Variants in PFKP observed in about 807,000 individuals in gnomAD.
The protein encoded by PFKP is phosphofructokinase, platelet.
A neutral mutation model predicts 94.3 loss-of-function variants in PFKP; 101 were observed. That is an observed-to-expected ratio of 1.07 (90% CI 0.91 to 1.26). The LOEUF (loss-of-function observed/expected upper bound fraction) is 1.26, where lower values mean the gene tolerates loss of function less well. Ranked by LOEUF, PFKP falls within the 50% of genes most tolerant of loss-of-function variation. The pLI is 0.00. For synonymous variants in PFKP, 573 were observed against 432.6 expected (o/e 1.32, Z -4.03); for missense variants, 1,145 against 1,103.3 (o/e 1.04, Z -0.53).
At chr10:3,128,429 G>T (rs1300801068) in intron 16 of PFKP, among the ~76,000 whole-genome samples, 1 of 152,246 alleles carries the variant, frequency 6.6e-6, no homozygotes, top group Non-Finnish European at 1.5e-5. Context: ...CTCTGGATCA[G>T]AGCTGAGGAA....
intron 7 of PFKP, among the ~76,000 whole-genome samples, 185 bp downstream of exon 7, chr10:3,105,686 C>T (rs1399246589): frequency 6.6e-6 from 1 of 152,108 alleles, no homozygotes; most frequent in Non-Finnish European, 1.5e-5. Context: ...GGCTGAGACT[C>T]AAGGCAGAAG....
intron 8 of PFKP, 65 bp downstream of exon 8, chr10:3,107,374 TG>T (rs1340705857): frequency 5.4e-6 from 5 of 928,990 alleles, no homozygotes; most frequent in Non-Finnish European, 8.8e-6. Flanking sequence ...GCTAGCGTCA[TG>T]GGCAGGCTTG....
Position 3,103,915 on chromosome 10 carries a change from C to T in PFKP, c.591C>T (p.Val197=), listed in dbSNP as rs144531802. The T allele has an allele frequency of 9.1e-5, 147 of 1,613,772 alleles. No individual in the cohort carries two copies. The highest frequency in any genetic ancestry group is 2.0e-4 in the Admixed American group (12 of 60,024). ...CCGCCCTGCACAGGATCATCGAGGT[C>T]GTCGACGCCATCATGACCACGGCCC... ...TDSALHRIIE[V]VDAIMTTAQS... The change falls in exon 5 of 22, where the codon GTC becomes GTT. Residue 197 remains valine, a synonymous_variant. Coordinates refer to ENST00000381125, the MANE Select transcript of PFKP (RefSeq NM_002627.5).
intron 13 of PFKP, 40 bp downstream of exon 13, chr10:3,113,558 G>A: frequency 1.9e-6 from 3 of 1,596,886 alleles, no homozygotes; most frequent in Non-Finnish European, 2.6e-6. Flanking sequence ...AGACACCCTG[G>A]CTGTGAGCAC....
At chr10:3,088,243 G>C (rs1405539660) in intron 2 of PFKP, among the ~76,000 whole-genome samples, 1 of 149,602 alleles carries the variant, frequency 6.7e-6, no homozygotes, top group African/African-American at 2.5e-5. Flanking sequence ...AGAACATGTG[G>C]TGTTTGGTTT....
chr10:3,098,741 C>G lies in PFKP; in HGVS notation c.187-534C>G, dbSNP rs186864715. On this transcript the variant is annotated intron_variant, in intron 2 of 21. Transcript: ENST00000381125. ...TCAATGTGTCCTCACATATTGATATCTGATTCCCTAATGCAGCACCGTGTC... is the reference window on the plus strand; with the variant it reads ...TCAATGTGTCCTCACATATTGATATGTGATTCCCTAATGCAGCACCGTGTC... 2.3e-4 allele frequency among the ~76,000 whole-genome samples: 35 copies of G among 149,318 alleles called. No individual in the cohort carries two copies. The East Asian group carries it at 7.2e-3, about 31-fold the overall frequency.
chr10:3,087,143 G>C (rs941669824), intron 2 of PFKP, among the ~76,000 whole-genome samples: 1 of 152,168 alleles, frequency 6.6e-6, no homozygotes, highest in Non-Finnish European at 1.5e-5. Context: ...ATTTTTGGTA[G>C]AGACGGGGTT....
intron 2 of PFKP, among the ~76,000 whole-genome samples, chr10:3,098,571 A>G (rs560446392): frequency 1.3e-5 from 2 of 148,626 alleles, no homozygotes; most frequent in East Asian, 4.2e-4. Context: ...GCTGCTCAGG[A>G]GGCTGAGGCA....
At position 3,098,348 on chromosome 10, in the gene PFKP, G is replaced by A. The variant is rs4881079; in HGVS notation, c.187-927G>A. Among the ~76,000 whole-genome samples the A allele has an allele frequency of 1.4e-4, 22 of 152,082 alleles. 1 individual carries two copies. The highest frequency in any genetic ancestry group is 4.8e-4 in the African/African-American group (20 of 41,422). On this transcript the variant is annotated intron_variant, in intron 2 of 21. Transcript: ENST00000381125. ...TGCATTTCCTGATCTTGTATATTCC[G>A]TGGAGAAAAAGATGGGGATGCATTT... is the stretch of plus-strand genomic sequence containing the variant.
intron 3 of PFKP, chr10:3,100,907 G>T (rs1834936621): frequency 2.7e-6 from 4 of 1,500,818 alleles, no homozygotes; most frequent in Non-Finnish European, 3.7e-6. Context: ...GGTTCCTGCT[G>T]GTTTTACTTG....
At position 3,067,650 on chromosome 10, in the gene PFKP, C is replaced by T. The variant is rs1182377162; in HGVS notation, c.55C>T (p.His19Tyr). ...GGGCTCCTTGCGGAAGTTCCTGGAGCACCTCTCCGGGGCCGGCAAGGCCAT... is the reference window on the plus strand; with the variant it reads ...GGGCTCCTTGCGGAAGTTCCTGGAGTACCTCTCCGGGGCCGGCAAGGCCAT... ...PKGSLRKFLE[H>Y]LSGAGKAIGV... The change falls in exon 1 of 22, where the codon CAC becomes TAC. Residue 19 changes from histidine (H) to tyrosine (Y), a missense_variant. This residue lies in a region of PFKP where 1,119 missense variants were observed against 1,062.8 expected (regional missense o/e 1.05). Coordinates refer to ENST00000381125, the MANE Select transcript of PFKP (RefSeq NM_002627.5). 2.0e-6 allele frequency: 3 copies of T among 1,535,354 alleles called. No individual in the cohort carries two copies. In the East Asian group the frequency reaches 7.8e-5, roughly 40 times the overall value.
intron 16 of PFKP, among the ~76,000 whole-genome samples, chr10:3,124,190 C>A (rs1837703389): frequency 6.6e-6 from 1 of 152,184 alleles, no homozygotes; most frequent in South Asian, 2.1e-4. Flanking sequence ...CCCTGTGTCC[C>A]ACCAGTAGCA....
chr10:3,074,263 G>T (rs927515444), intron 1 of PFKP, among the ~76,000 whole-genome samples: 9 of 152,194 alleles, frequency 5.9e-5, no homozygotes, highest in African/African-American at 2.2e-4. Flanking sequence ...GGTGAGGTGC[G>T]GGTACGACGT....
intron 2 of PFKP, among the ~76,000 whole-genome samples, chr10:3,088,684 TATGGGGTAC>T (rs1484139485): frequency 6.6e-6 from 1 of 152,218 alleles, no homozygotes; most frequent in East Asian, 1.9e-4. Flanking sequence ...TGTACCTATT[TATGGGGTAC>T]ATGTGATTTT....
rs544218978 is a variant in PFKP at position 3,133,345 on chromosome 10, A to G, written c.2022+31A>G. ...CCCGAGACTGCATGAGGGGCCACAA[A>G]GCCCCTGTCATGTGACTTTTAAAAG... is the stretch of plus-strand genomic sequence containing the variant. On this transcript the variant is annotated intron_variant, in intron 19 of 21. Transcript: ENST00000381125. The G allele has an allele frequency of 1.3e-5, 17 of 1,353,416 alleles. 1 individual carries two copies. The highest frequency in any genetic ancestry group is 1.8e-4 in the Middle Eastern group (1 of 5,574). The allele number at this position is 1,353,416 out of a possible 1,614,324, so 83.8% of individuals were successfully genotyped here.
chr10:3,123,006 G>C (rs1377537493), intron 16 of PFKP, among the ~76,000 whole-genome samples: 1 of 152,216 alleles, frequency 6.6e-6, no homozygotes, highest in African/African-American at 2.4e-5. Flanking sequence ...ATGTGGTGAA[G>C]CCTCATCTTC....
intron 16 of PFKP, among the ~76,000 whole-genome samples, chr10:3,121,284 G>A (rs1837372969): frequency 1.3e-5 from 2 of 152,200 alleles, no homozygotes; most frequent in Non-Finnish European, 2.9e-5. Flanking sequence ...TGGGTGTCAC[G>A]GCTTTGCTGC....
chr10:3,080,130 G>C (rs1276752633), intron 1 of PFKP, among the ~76,000 whole-genome samples: 1 of 152,130 alleles, frequency 6.6e-6, no homozygotes, highest in Non-Finnish European at 1.5e-5. Flanking sequence ...AGACAGGTGG[G>C]AGGTCCCTGG....
chr10:3,131,349 TC>T (rs1838566003), intron 17 of PFKP, among the ~76,000 whole-genome samples: 1 of 151,504 alleles, frequency 6.6e-6, no homozygotes, highest in African/African-American at 2.5e-5. Flanking sequence ...AAGGAACATA[TC>T]CCCCTGTTAC....
Sources: gnomAD v4.1 joint callset for allele counts (sites outside exome capture counted in the v4.1 genomes callset) on GRCh38, gnomAD v4.1.1 for gene constraint, gnomAD v4.1.1 regional missense constraint, MANE v1.5 for transcripts, NCBI Gene and HGNC (gene_info 2026-07-23, HGNC 2026-07-21) for gene names.